The following ARHGAP45 variants were observed in gnomAD, a reference collection of about 807,000 sequenced individuals.
ARHGAP45 encodes the protein Rho GTPase activating protein 45.
Under a neutral mutation model 116.1 loss-of-function variants are expected in ARHGAP45, and 56 were observed. The ratio of observed to expected loss-of-function variants is 0.48; its 90% CI spans 0.39 to 0.60. The LOEUF (loss-of-function observed/expected upper bound fraction) is 0.60, where lower values mean the gene tolerates loss of function less well. ARHGAP45 is among the 20% of genes least tolerant of loss of function. The pLI, the probability that ARHGAP45 is intolerant of heterozygous loss-of-function variation, is 0.00. For synonymous variants in ARHGAP45, 866 were observed against 701.7 expected (o/e 1.23, Z -3.70); for missense variants, 1,622 against 1,601.0 (o/e 1.01, Z -0.22).
intron 11 of ARHGAP45, 72 bp downstream of exon 11, chr19:1,078,117 C>T: frequency 1.4e-6 from 2 of 1,474,254 alleles, no homozygotes; most frequent in Non-Finnish European, 1.8e-6. Context: ...ACATTTACTA[C>T]CTCCAGACCT....
rs1160783843 is a variant in ARHGAP45 at position 1,069,017 on chromosome 19, T to C, written c.421+273T>C. Among the ~76,000 whole-genome samples the C allele has an allele frequency of 6.6e-6, 1 of 151,992 alleles. No individual in the cohort carries two copies. The highest frequency in any genetic ancestry group is 1.5e-5 in the Non-Finnish European group (1 of 67,984). Reference sequence around the variant, plus strand: ...AGGGAAAGGCAGAGGAAATGTCCCATGCACAGGCTCAGAAACACGGAAACA... The same window carrying C: ...AGGGAAAGGCAGAGGAAATGTCCCACGCACAGGCTCAGAAACACGGAAACA... On this transcript the variant is annotated intron_variant, in intron 2 of 22. Transcript: ENST00000313093. This position sits in a 1 kb window ranked among gnomAD's most constrained non-coding sequence, Gnocchi z 4.1.
chr19:1,082,477 GGC>G, intron 19 of ARHGAP45: 2 of 371,018 alleles, frequency 5.4e-6, no homozygotes, highest in Non-Finnish European at 9.8e-6. Flanking sequence ...TGGGGCTAGG[GGC>G]GTGGTCATGT....
At position 1,080,357 on chromosome 19, in the gene ARHGAP45, C is replaced by A. The variant is rs756780406; in HGVS notation, c.1806C>A (p.Gly602=). ...SPPEEGGCTE[G]TPAKDHRAGR... is the part of the protein sequence containing the mutation. Reference sequence around the variant, plus strand: ...CAGAAGAAGGCGGGTGCACTGAGGGCACACCTGCCAAGGACCACAGGGGTG... The same window carrying A: ...CAGAAGAAGGCGGGTGCACTGAGGGAACACCTGCCAAGGACCACAGGGGTG... The change falls in exon 14 of 23, where the codon GGC becomes GGA. Residue 602 remains glycine, a synonymous_variant. Transcript: ENST00000313093. 3 of 1,607,266 alleles carry A rather than the reference C, an allele frequency of 1.9e-6. No individual in the cohort carries two copies. Among genetic ancestry groups the A allele is most frequent in the Admixed American group, 1.7e-5 (1 of 58,548 alleles).
chr19:1,080,159 C>G, intron 13 of ARHGAP45, 41 bp downstream of exon 13: 1 of 1,610,438 alleles, frequency 6.2e-7, no homozygotes, highest in Non-Finnish European at 8.5e-7. Flanking sequence ...GCACAAGGCC[C>G]TGCCTGGGAG....
Position 1,080,272 on chromosome 19 carries a change from C to A in ARHGAP45, c.1721C>A (p.Ala574Asp). Residue 574 changes from alanine to aspartate, a missense_variant, in exon 14 of 23, where the codon GCC becomes GAC. By Grantham distance (126) the Ala-to-Asp change is moderately radical (BLOSUM62 -2). Coordinates refer to ENST00000313093, the MANE Select transcript of ARHGAP45 (RefSeq NM_012292.5). ...TCCACTAGGTCCCCCGTCATGCGTG[C>A]CCGGAAGAGCAGCTTCAACGTGAGT... ...SANAWSPVMRARKSSFNVSDV... is the reference protein window; with the variant it reads ...SANAWSPVMRDRKSSFNVSDV... The A allele has an allele frequency of 6.2e-7, 1 of 1,612,626 alleles. No individual in the cohort carries two copies. The highest frequency in any genetic ancestry group is 8.5e-7 in the Non-Finnish European group (1 of 1,179,858).
chr19:1,082,074 G>T (rs1568480115), intron 19 of ARHGAP45, 113 bp downstream of exon 19: 24 of 472,086 alleles, frequency 5.1e-5, no homozygotes, highest in Non-Finnish European at 8.4e-5. Flanking sequence ...CAGGACTGGC[G>T]CAAGCGGGGG....
At position 1,074,648 on chromosome 19, in the gene ARHGAP45, C is replaced by T; in HGVS notation, c.1028C>T (p.Ala343Val). The T allele has an allele frequency of 6.2e-7, 1 of 1,608,590 alleles. No homozygotes were observed. Among genetic ancestry groups the T allele is most frequent in the Non-Finnish European group, 8.5e-7 (1 of 1,178,272 alleles). ...CCGCTCCTGTCCATCTACTCGCTGG[C>T]CCTGGAGCAGGACCTGGAGTTCGGC... ...HMPLLSIYSL[A>V]LEQDLEFGHS... is the part of the protein sequence containing the mutation. The change falls in exon 9 of 23, where the codon GCC becomes GTC. Residue 343 changes from alanine to valine, a missense_variant. Physicochemically the swap from Ala to Val is moderately conservative, Grantham distance 64. This residue lies in a region of ARHGAP45 where 1,334 missense variants were observed against 1,263.8 expected (regional missense o/e 1.06). Coordinates refer to ENST00000313093, the MANE Select transcript of ARHGAP45 (RefSeq NM_012292.5).
Position 1,085,652 on chromosome 19 carries a change from T to C in ARHGAP45, c.3065-8T>C, listed in dbSNP as rs760746183. The C allele has an allele frequency of 3.2e-6, 5 of 1,538,818 alleles. No homozygotes were observed. In the South Asian group the frequency reaches 6.1e-5, roughly 19 times the overall value. ...TGTCTCCCCCCGCCATCTGTCTCCC[T>C]TTCTTAGAATCCCGAGTTGTGTCCA... On this transcript the variant is annotated splice_polypyrimidine_tract_variant and splice_region_variant and intron_variant, in intron 22 of 22. Transcript: ENST00000313093.
intron 21 of ARHGAP45, 81 bp downstream of exon 21, chr19:1,083,434 T>G: frequency 7.8e-7 from 1 of 1,278,704 alleles, no homozygotes; most frequent in South Asian, 1.3e-5. Context: ...CGTTGTCGGA[T>G]GAAGCCCAAG....
In ARHGAP45 at chr19:1,085,595, C is replaced by CATCTCT. The variant is rs1568490172; in HGVS notation, c.3065-65_3065-64insATCTCT. 7.3e-6 allele frequency: 9 copies of CATCTCT among 1,232,922 alleles called. No homozygotes were observed. In the African/African-American group the frequency reaches 1.4e-4, roughly 19 times the overall value. 76.4% of individuals were successfully genotyped at this position (1,232,922 alleles called of 1,614,324 possible). A position where few individuals can be genotyped will look rare whatever the true frequency, so the allele number is the denominator to read the frequency against. ...TCTCTCCCCATCTCTCCTGTCTGTCCCTCCCCTTGTCTCTCCTCCATCTCT... is the reference window on the plus strand; with the variant it reads ...TCTCTCCCCATCTCTCCTGTCTGTCCATCTCTCTCCCCTTGTCTCTCCTCCATCTCT... On this transcript the variant is annotated intron_variant, in intron 22 of 22. Transcript: ENST00000313093.
Position 1,068,371 on chromosome 19 carries a change from G to T in ARHGAP45, c.91-43G>T, listed in dbSNP as rs1347496909. 6.9e-7 allele frequency: 1 copy of T among 1,456,050 alleles called. No homozygotes were observed. Among genetic ancestry groups the T allele is most frequent in the Admixed American group, 2.5e-5 (1 of 40,102 alleles). The allele number at this position is 1,456,050 out of a possible 1,614,324, so 90.2% of individuals were successfully genotyped here. On this transcript the variant is annotated intron_variant, in intron 1 of 22. Coordinates refer to ENST00000313093, the MANE Select transcript of ARHGAP45 (RefSeq NM_012292.5). The surrounding 1 kb of genome is among the most constrained non-coding windows in gnomAD (Gnocchi z 7.5). ...CTGGGGAAACTGAGGCCGTGTCCAG[G>T]CCGGAAAATCCCTTTAACGAGCTCC...
chr19:1,080,329 C>T lies in ARHGAP45; in HGVS notation c.1778C>T (p.Pro593Leu). ...GCGCGGCCGGAGGCTGCCGGGAGCC[C>T]CCCAGAAGAAGGCGGGTGCACTGAG... Reference protein sequence around the residue: ...DVARPEAAGSPPEEGGCTEGT... With the variant: ...DVARPEAAGSLPEEGGCTEGT... The change falls in exon 14 of 23, where the codon CCC (proline) becomes CTC (leucine). Residue 593 changes from proline (P) to leucine (L), a missense_variant. Coordinates refer to ENST00000313093, the MANE Select transcript of ARHGAP45 (RefSeq NM_012292.5). The T allele has an allele frequency of 6.2e-7, 1 of 1,610,408 alleles. No individual in the cohort carries two copies. The highest frequency in any genetic ancestry group is 8.5e-7 in the Non-Finnish European group (1 of 1,179,416).
intron 19 of ARHGAP45, 32 bp from the exon 20 acceptor site, chr19:1,082,805 CCCA>C (rs752975617): frequency 7.6e-6 from 11 of 1,449,306 alleles, no homozygotes; most frequent in Non-Finnish European, 9.1e-6. Flanking sequence ...CTGGGCCAGG[CCCA>C]CCAACACCTG....
chr19:1,075,433 C>T (rs1284485166), intron 10 of ARHGAP45, among the ~76,000 whole-genome samples: 3 of 151,848 alleles, frequency 2.0e-5, no homozygotes, highest in Non-Finnish European at 4.4e-5. Context: ...TTAGTAGAGA[C>T]GGGGTTTCAC....
At position 1,080,507 on chromosome 19, in the gene ARHGAP45, C is replaced by A; in HGVS notation, c.1872C>A (p.Ile624=). Residue 624 remains isoleucine, a synonymous_variant, in exon 15 of 23, where the codon ATC becomes ATA. Transcript: ENST00000313093. ...HQVHKSWPLS[I]SDSDSGLDPG... ...TTCACAAGTCATGGCCGCTCTCGAT[C>A]TCAGACTCGGACAGTGGGCTGGACC... 1 of 1,612,974 alleles carries A rather than the reference C, an allele frequency of 6.2e-7. No homozygotes were observed. Among genetic ancestry groups the A allele is most frequent in the Non-Finnish European group, 8.5e-7 (1 of 1,179,976 alleles).
At chr19:1,066,249 T>G, upstream of ARHGAP45, 1 of 969,772 alleles carries the variant, frequency 1.0e-6, no homozygotes, top group Non-Finnish European at 1.4e-6. Flanking sequence ...GCAGGGAGAC[T>G]TGGGGAGGGG....
chr19:1,085,510 T>TCCGTCTCTCCTGTCTCTCC (rs2043587602), intron 22 of ARHGAP45, 150 bp from the exon 23 acceptor site: 1 of 543,732 alleles, frequency 1.8e-6, no homozygotes, highest in East Asian at 2.9e-5. Flanking sequence ...TTGTCTCTCC[T>TCCGTCTCTCCTGTCTCTCC]CCATCTCTCC....
In ARHGAP45 at chr19:1,082,937, G is replaced by A. The variant is rs1407666349; in HGVS notation, c.2615G>A (p.Arg872Gln). The change falls in exon 20 of 23, where the codon CGG (arginine) becomes CAG (glutamine). Residue 872 changes from arginine to glutamine, a missense_variant. Around this residue, in one of 3 missense-constraint regions of ARHGAP45, gnomAD observed 1,334 missense variants for 1,263.8 expected, o/e 1.06. Coordinates refer to ENST00000313093, the MANE Select transcript of ARHGAP45 (RefSeq NM_012292.5). ...KAEAEAKAASRGRQDGSESEA... is the reference protein window; with the variant it reads ...KAEAEAKAASQGRQDGSESEA... ...GAGGCCGAGGCCAAGGCGGCGTCCCGGGGCCGGCAGGACGGCTCGGAGAGC... is the reference window on the plus strand; with the variant it reads ...GAGGCCGAGGCCAAGGCGGCGTCCCAGGGCCGGCAGGACGGCTCGGAGAGC... The A allele has an allele frequency of 1.3e-6, 2 of 1,582,030 alleles. No homozygotes were observed. Among genetic ancestry groups the A allele is most frequent in the Non-Finnish European group, 8.6e-7 (1 of 1,167,170 alleles).
Position 1,073,547 on chromosome 19 carries a change from T to C in ARHGAP45, c.607T>C (p.Phe203Leu). The C allele has an allele frequency of 2.5e-6, 4 of 1,613,906 alleles. No homozygotes were observed. The highest frequency in any genetic ancestry group is 3.4e-6 in the Non-Finnish European group (4 of 1,179,962). Residue 203 changes from phenylalanine to leucine, a missense_variant, in exon 4 of 23, where the codon TTC (phenylalanine) becomes CTC (leucine). Physicochemically the swap from Phe to Leu is conservative, Grantham distance 22 (BLOSUM62 0). Around this residue, in one of 3 missense-constraint regions of ARHGAP45, gnomAD observed 279 missense variants for 311.9 expected, o/e 0.89. Coordinates refer to ENST00000313093, the MANE Select transcript of ARHGAP45 (RefSeq NM_012292.5). ...ESNNDLEKQEFEKALETIAVA... is the reference protein window; with the variant it reads ...ESNNDLEKQELEKALETIAVA... ...CAACAATGATCTGGAGAAACAGGAG[T>C]TCGAGAAGGCCCTGGAGACGATTGC... is the stretch of plus-strand genomic sequence containing the variant.
Sources: allele counts gnomAD v4.1 joint callset (sites outside exome capture counted in the v4.1 genomes callset), GRCh38; gene constraint gnomAD v4.1.1; regional missense constraint gnomAD v4.1.1; non-coding constraint Gnocchi (gnomAD v3.1); transcripts MANE v1.5; gene names NCBI Gene and HGNC (gene_info 2026-07-23, HGNC 2026-07-21).